Variants in EEFSEC observed in about 807,000 individuals in gnomAD.
The protein encoded by EEFSEC is selenocysteine-specific elongation factor.
A neutral mutation model predicts 42.1 loss-of-function variants in EEFSEC; 43 were observed. The observed-to-expected ratio is 1.02, with a 90% confidence interval of 0.80 to 1.32. EEFSEC has a LOEUF of 1.32. Among genes scored for constraint, EEFSEC ranks in the 40% most tolerant of loss-of-function variants. The pLI is 0.00. For missense variants in EEFSEC, 745 were observed against 803.6 expected (o/e 0.93, Z 0.88); for synonymous variants, 354 against 339.1 (o/e 1.04, Z -0.48).
chr3:128,242,110 A>G (rs1247476722), intron 1 of EEFSEC, among the ~76,000 whole-genome samples: 1 of 152,196 alleles, frequency 6.6e-6, no homozygotes, highest in Non-Finnish European at 1.5e-5. Flanking sequence ...TGAGGCCAGG[A>G]GTTCGAGACC....
chr3:128,176,135 T>G (rs1034156996), intron 1 of EEFSEC, among the ~76,000 whole-genome samples: 18 of 152,216 alleles, frequency 1.2e-4, no homozygotes, highest in African/African-American at 4.1e-4. Flanking sequence ...AGTTTTAATC[T>G]TTATACGACT....
At chr3:128,227,319 A>AC (rs1212660301) in intron 1 of EEFSEC, among the ~76,000 whole-genome samples, 1 of 137,908 alleles carries the variant, frequency 7.3e-6, no homozygotes, top group Non-Finnish European at 1.6e-5. Context: ...CTACCCCCCC[A>AC]CTCCGTTCTT....
intron 5 of EEFSEC, among the ~76,000 whole-genome samples, chr3:128,347,129 G>A (rs2067321521): frequency 6.6e-6 from 1 of 152,202 alleles, no homozygotes; most frequent in South Asian, 2.1e-4. Flanking sequence ...GGTGCCCACT[G>A]TCTCTGTGCT....
chr3:128,333,595 G>C (rs2067157227), intron 4 of EEFSEC, among the ~76,000 whole-genome samples: 1 of 152,198 alleles, frequency 6.6e-6, no homozygotes, highest in Non-Finnish European at 1.5e-5. Context: ...GGAATCAGGT[G>C]TGTAAAGATT....
At chr3:128,369,838 C>T (rs1183061157) in intron 6 of EEFSEC, among the ~76,000 whole-genome samples, 3 of 152,156 alleles carry the variant, frequency 2.0e-5, no homozygotes, top group Non-Finnish European at 2.9e-5. Flanking sequence ...GTTTGTGCGC[C>T]GAGCCGACTG....
intron 4 of EEFSEC, 102 bp downstream of exon 4, chr3:128,264,883 C>G: frequency 7.3e-7 from 1 of 1,377,082 alleles, no homozygotes; most frequent in South Asian, 1.4e-5. Context: ...CTGTGCCTGC[C>G]CTGGGACTCC....
intron 1 of EEFSEC, among the ~76,000 whole-genome samples, chr3:128,207,141 A>T (rs986136630): frequency 1.3e-5 from 2 of 152,178 alleles, no homozygotes; most frequent in African/African-American, 2.4e-5. Context: ...TAAGAGTCTT[A>T]TAAAACAGTA....
At chr3:128,173,987 A>G (rs1339957674) in intron 1 of EEFSEC, among the ~76,000 whole-genome samples, 1 of 152,186 alleles carries the variant, frequency 6.6e-6, no homozygotes. Flanking sequence ...TCTCGCACAG[A>G]TAAGTGAGAG....
At chr3:128,321,415 G>A (rs1332021965) in intron 4 of EEFSEC, among the ~76,000 whole-genome samples, 2 of 152,296 alleles carry the variant, frequency 1.3e-5, no homozygotes, top group African/African-American at 2.4e-5. Flanking sequence ...TGGGTGGAGA[G>A]GGGGAAGGAC....
chr3:128,276,393 C>T lies in EEFSEC; in HGVS notation c.786+11612C>T, dbSNP rs78077835. Reference sequence around the variant, plus strand: ...TTGGCAGTTTGAGGAAACCATGGGCCAGAGGTTGGACTCTGAAGTTAGACA... The same window carrying T: ...TTGGCAGTTTGAGGAAACCATGGGCTAGAGGTTGGACTCTGAAGTTAGACA... On this transcript the variant is annotated intron_variant, in intron 4 of 6. Transcript: ENST00000254730. 6.9e-4 allele frequency among the ~76,000 whole-genome samples: 105 copies of T among 152,248 alleles called. No individual in the cohort carries two copies. In the East Asian group the frequency reaches 0.015, roughly 21 times the overall value.
At chr3:128,183,915 A>G (rs2065437656) in intron 1 of EEFSEC, among the ~76,000 whole-genome samples, 2 of 152,190 alleles carry the variant, frequency 1.3e-5, no homozygotes, top group South Asian at 4.1e-4. Context: ...GTTTAGTGTG[A>G]CTGTGAAAAC....
At chr3:128,279,978 G>A (rs1352427320) in intron 4 of EEFSEC, among the ~76,000 whole-genome samples, 3 of 152,228 alleles carry the variant, frequency 2.0e-5, no homozygotes, top group African/African-American at 7.2e-5. Flanking sequence ...CATCGAACAC[G>A]ATGGTGCAGA....
At chr3:128,195,938 A>G (rs1222651437) in intron 1 of EEFSEC, among the ~76,000 whole-genome samples, 1 of 152,242 alleles carries the variant, frequency 6.6e-6, no homozygotes, top group African/African-American at 2.4e-5. Context: ...CTCTTCAAGA[A>G]GCAACCGTGG....
intron 4 of EEFSEC, among the ~76,000 whole-genome samples, chr3:128,292,684 T>G (rs2066656675): frequency 6.6e-6 from 1 of 151,916 alleles, no homozygotes; most frequent in Non-Finnish European, 1.5e-5. Flanking sequence ...AATTTGTAAT[T>G]TCTCTCTTTA....
At chr3:128,409,603 T>C (rs1559964457), downstream of EEFSEC, among the ~76,000 whole-genome samples, 1 of 152,172 alleles carries the variant, frequency 6.6e-6, no homozygotes, top group Non-Finnish European at 1.5e-5. Context: ...CCTGAGGGGA[T>C]TGGCCCTGGA....
At chr3:128,225,360 G>A (rs568379629) in intron 1 of EEFSEC, among the ~76,000 whole-genome samples, 6 of 152,324 alleles carry the variant, frequency 3.9e-5, no homozygotes, top group East Asian at 3.9e-4. Flanking sequence ...CACAGGCAGT[G>A]CCAAGGCCCC....
intron 6 of EEFSEC, among the ~76,000 whole-genome samples, chr3:128,385,751 C>T (rs1449116742): frequency 2.0e-5 from 3 of 152,260 alleles, no homozygotes; most frequent in African/African-American, 7.2e-5. Context: ...GGCTGGCCCT[C>T]TGCCCGCAGC....
intron 4 of EEFSEC, among the ~76,000 whole-genome samples, chr3:128,333,551 A>G (rs536619260): frequency 5.3e-5 from 8 of 152,372 alleles, no homozygotes; most frequent in African/African-American, 1.9e-4. Flanking sequence ...CTGTAAAGTG[A>G]GATCATCATT....
chr3:128,190,780 AC>A (rs35465495), intron 1 of EEFSEC, among the ~76,000 whole-genome samples: 1 of 152,034 alleles, frequency 6.6e-6, no homozygotes, highest in Non-Finnish European at 1.5e-5. Context: ...ATACAGGGGT[AC>A]CCTTTTTAAT....
Sources: allele counts gnomAD v4.1 joint callset (sites outside exome capture counted in the v4.1 genomes callset), GRCh38; gene constraint gnomAD v4.1.1; transcripts MANE v1.5; gene names NCBI Gene and HGNC (gene_info 2026-07-23, HGNC 2026-07-21).